The following COL4A1 variants were observed in gnomAD, a reference collection of about 807,000 sequenced individuals.
The protein encoded by COL4A1 is collagen type IV alpha 1 chain.
A neutral mutation model predicts 216.6 loss-of-function variants in COL4A1; 40 were observed. That is an observed-to-expected ratio of 0.18 (90% CI 0.14 to 0.24). The LOEUF (loss-of-function observed/expected upper bound fraction) is 0.24. Ranked by LOEUF, COL4A1 falls within the 10% of genes least tolerant of loss-of-function variation. COL4A1 has a pLI of 1.00. For synonymous variants in COL4A1, 839 were observed against 810.7 expected, an observed-to-expected ratio of 1.03 and a Z score of -0.59; for missense variants, 1,628 against 2,196.8, an observed-to-expected ratio of 0.74 and a Z score of 5.18.
intron 2 of COL4A1, among the ~76,000 whole-genome samples, chr13:110,216,576 C>T (rs867155292): frequency 6.6e-5 from 10 of 152,090 alleles, no homozygotes; most frequent in South Asian, 2.1e-4. Context: ...ATGAGACCAG[C>T]GATGATAAGA....
chr13:110,266,360 T>A (rs1459088449), intron 1 of COL4A1, among the ~76,000 whole-genome samples: 3 of 152,150 alleles, frequency 2.0e-5, no homozygotes, highest in African/African-American at 7.2e-5. Context: ...CCTGGAGTAG[T>A]TCCAACTCTG....
At chr13:110,283,121 C>T (rs1300830841) in intron 1 of COL4A1, among the ~76,000 whole-genome samples, 1 of 152,128 alleles carries the variant, frequency 6.6e-6, no homozygotes. Flanking sequence ...ATTTAGTGTT[C>T]CCAGTTTGAA....
chr13:110,200,229 CACACACGTGG>C (rs146819590), intron 20 of COL4A1, among the ~76,000 whole-genome samples: 109 of 152,372 alleles, frequency 7.2e-4, no homozygotes, highest in Middle Eastern at 3.4e-3. Context: ...GGTGCACACG[CACACACGTGG>C]ACACACGTGC....
chr13:110,175,109 CTG>C (rs1455137827), intron 37 of COL4A1, 107 bp downstream of exon 37: 2 of 1,389,230 alleles, frequency 1.4e-6, no homozygotes, highest in African/African-American at 1.4e-5. Context: ...ATGGGACTCC[CTG>C]TGTGTTATGG....
At chr13:110,248,241 C>T (rs950245752) in intron 1 of COL4A1, among the ~76,000 whole-genome samples, 1 of 152,198 alleles carries the variant, frequency 6.6e-6, no homozygotes, top group South Asian at 2.1e-4. Context: ...AGGCAAGAGA[C>T]TGTATCTTAG....
intron 1 of COL4A1, among the ~76,000 whole-genome samples, chr13:110,305,610 A>G (rs569612921): frequency 2.0e-5 from 3 of 152,364 alleles, no homozygotes; most frequent in Admixed American, 6.5e-5. Context: ...TTCTTTGGAA[A>G]GTATTTTGTC....
At position 110,207,684 on chromosome 13, in the gene COL4A1, C is replaced by G. The variant is rs954211241; in HGVS notation, c.694-195G>C. On this transcript the variant is annotated intron_variant, in intron 12 of 51. Transcript: ENST00000375820. This position sits in a 1 kb window ranked among gnomAD's most constrained non-coding sequence, Gnocchi z 4.4. The stretch of plus-strand genomic sequence containing the variant: ...AAGATGATACAACAAGTATCTAAAC[C>G]CAGGAGGAGAATTTCACTTCTTCTA... Among the ~76,000 whole-genome samples the G allele has an allele frequency of 2.0e-5, 3 of 152,078 alleles. No individual in the cohort carries two copies. Among genetic ancestry groups the G allele is most frequent in the African/African-American group, 7.2e-5 (3 of 41,400 alleles).
intron 2 of COL4A1, among the ~76,000 whole-genome samples, chr13:110,241,107 TG>T (rs1881545838): frequency 6.6e-6 from 1 of 152,150 alleles, no homozygotes; most frequent in Admixed American, 6.5e-5. Flanking sequence ...TGACTTCCAG[TG>T]ATCCTCCTGC....
chr13:110,201,280 AGGAGGAAGAGAAGGAGGGGGC>A (rs1406451511), intron 19 of COL4A1, 137 bp downstream of exon 19: 149 of 475,334 alleles, frequency 3.1e-4, no homozygotes, highest in African/African-American at 7.6e-4. Flanking sequence ...GAGGAGGGGG[AGGAGGAAGAGAAGGAGGGGGC>A]GGAGGAAGAG....
At chr13:110,178,522 T>C (rs1054580662) in intron 31 of COL4A1, among the ~76,000 whole-genome samples, 1 of 152,244 alleles carries the variant, frequency 6.6e-6, no homozygotes, top group Non-Finnish European at 1.5e-5. Context: ...AGTTTTGCTC[T>C]AATTTCCATG....
intron 18 of COL4A1, among the ~76,000 whole-genome samples, chr13:110,202,827 G>T (rs1172273957): frequency 6.6e-6 from 1 of 152,126 alleles, no homozygotes; most frequent in Admixed American, 6.5e-5. Context: ...AATGTTATTT[G>T]CAAAAATAAA....
chr13:110,284,403 A>AGT (rs1467994375), intron 1 of COL4A1, among the ~76,000 whole-genome samples: 3 of 152,214 alleles, frequency 2.0e-5, no homozygotes, highest in Non-Finnish European at 4.4e-5. Context: ...TCCCGAAATC[A>AGT]GTAAGCATGA....
At chr13:110,224,327 A>G (rs1213937037) in intron 2 of COL4A1, among the ~76,000 whole-genome samples, 2 of 152,174 alleles carry the variant, frequency 1.3e-5, no homozygotes, top group African/African-American at 4.8e-5. Context: ...TAAGAAAAAA[A>G]TATATATGTT....
At position 110,214,030 on chromosome 13, in the gene COL4A1, CATCA is replaced by C. The variant is rs1879949331; in HGVS notation, c.145-19_145-16del. On this transcript the variant is annotated splice_polypyrimidine_tract_variant and intron_variant, in intron 2 of 51. Transcript: ENST00000375820. ...CCTCTTTCACCCTACAGAAGAGGAA[CATCA>C]GTCAGGCAAAAGGCAGCAGTAAAGA... The C allele has an allele frequency of 1.2e-6, 2 of 1,610,684 alleles. No individual in the cohort carries two copies. The highest frequency in any genetic ancestry group is 1.7e-5 in the Admixed American group (1 of 59,968).
intron 2 of COL4A1, among the ~76,000 whole-genome samples, chr13:110,234,740 T>A (rs1881227800): frequency 6.6e-6 from 1 of 152,152 alleles, no homozygotes; most frequent in South Asian, 2.1e-4. Flanking sequence ...TGAACTCAGT[T>A]TTCCCCAAAC....
At chr13:110,223,852 G>A (rs919095818) in intron 2 of COL4A1, among the ~76,000 whole-genome samples, 5 of 152,194 alleles carry the variant, frequency 3.3e-5, no homozygotes, top group Non-Finnish European at 7.4e-5. Context: ...GGCAGCCTCC[G>A]TGTAGACTTT....
At chr13:110,293,387 C>A (rs928622157) in intron 1 of COL4A1, among the ~76,000 whole-genome samples, 1 of 152,198 alleles carries the variant, frequency 6.6e-6, no homozygotes, top group Non-Finnish European at 1.5e-5. Context: ...AGAAACTCAA[C>A]CTAATTACTT....
intron 1 of COL4A1, among the ~76,000 whole-genome samples, chr13:110,300,013 G>A (rs1884429453): frequency 6.6e-6 from 1 of 152,134 alleles, no homozygotes; most frequent in South Asian, 2.1e-4. Context: ...CAAGGGAACT[G>A]CGGATCTGAA....
chr13:110,244,758 A>G (rs1220402859), intron 1 of COL4A1, among the ~76,000 whole-genome samples: 2 of 152,092 alleles, frequency 1.3e-5, no homozygotes, highest in East Asian at 3.9e-4. Flanking sequence ...AGCCTCACAT[A>G]CAGCTCACAC....
Sources: gnomAD v4.1 joint callset for allele counts (sites outside exome capture counted in the v4.1 genomes callset) on GRCh38, gnomAD v4.1.1 for gene constraint, Gnocchi (gnomAD v3.1) non-coding constraint, MANE v1.5 for transcripts, NCBI Gene and HGNC (gene_info 2026-07-23, HGNC 2026-07-21) for gene names.